DLGAP1: variants seen among roughly 807,000 people sequenced by gnomAD.
The protein encoded by DLGAP1 is DLG associated protein 1, also known as disks large-associated protein 1.
A neutral mutation model predicts 90.8 loss-of-function variants in DLGAP1; 11 were observed. The observed-to-expected ratio is 0.12, with a 90% CI of 0.08 to 0.20. The LOEUF (loss-of-function observed/expected upper bound fraction) is 0.20. DLGAP1 is among the 10% of genes least tolerant of loss of function. The pLI, the probability that DLGAP1 is intolerant of heterozygous loss-of-function variation, is 1.00. For synonymous variants in DLGAP1, 558 were observed against 540.7 expected, an observed-to-expected ratio of 1.03 and a Z score of -0.44; for missense variants, 1,050 against 1,333.8, an observed-to-expected ratio of 0.79 and a Z score of 3.31.
At chr18:4,401,918 C>T (rs1207940292) in intron 1 of DLGAP1, among the ~76,000 whole-genome samples, 1 of 152,172 alleles carries the variant, frequency 6.6e-6, no homozygotes, top group African/African-American at 2.4e-5. Flanking sequence ...TGACTATATT[C>T]CTGCCAAATT....
At chr18:3,572,713 A>G (rs663957) in intron 8 of DLGAP1, among the ~76,000 whole-genome samples, 88,453 of 151,980 alleles carry the variant, frequency 0.58, 26,488 homozygotes, top group East Asian at 0.99. Flanking sequence ...GCCTCCCAAA[A>G]TACTGGGATT....
At chr18:3,979,645 C>T (rs563520141) in intron 3 of DLGAP1, among the ~76,000 whole-genome samples, 2 of 152,284 alleles carry the variant, frequency 1.3e-5, no homozygotes, top group African/African-American at 4.8e-5. Context: ...TGTTATCCTG[C>T]ATGGTAACCA....
At chr18:4,176,324 C>T (rs891804923) in intron 1 of DLGAP1, among the ~76,000 whole-genome samples, 1 of 152,198 alleles carries the variant, frequency 6.6e-6, no homozygotes, top group African/African-American at 2.4e-5. Context: ...TCCAGCCCTT[C>T]ATTTCCAGAT....
chr18:4,119,326 T>C (rs933089545), intron 2 of DLGAP1, among the ~76,000 whole-genome samples: 3 of 152,268 alleles, frequency 2.0e-5, no homozygotes, highest in Middle Eastern at 3.4e-3. Flanking sequence ...ACTCCTGGGC[T>C]CAGGCAATCC....
At chr18:3,965,123 T>C (rs746155753) in intron 3 of DLGAP1, among the ~76,000 whole-genome samples, 1 of 152,184 alleles carries the variant, frequency 6.6e-6, no homozygotes, top group Non-Finnish European at 1.5e-5. Context: ...TGTAAACAAA[T>C]AGAGGCATGG....
chr18:4,242,732 A>G (rs1247822582), intron 1 of DLGAP1, among the ~76,000 whole-genome samples: 1 of 152,064 alleles, frequency 6.6e-6, no homozygotes, highest in Non-Finnish European at 1.5e-5. Flanking sequence ...TGTGAGGGCT[A>G]GATCATGCAT....
At chr18:4,320,066 A>G (rs1028075599) in intron 1 of DLGAP1, among the ~76,000 whole-genome samples, 10 of 152,172 alleles carry the variant, frequency 6.6e-5, no homozygotes, top group African/African-American at 2.4e-4. Context: ...ATTTCAGAAG[A>G]ATGCCATTCA....
chr18:4,426,142 G>A (rs1209732258), intron 1 of DLGAP1, among the ~76,000 whole-genome samples: 1 of 152,184 alleles, frequency 6.6e-6, no homozygotes, highest in East Asian at 1.9e-4. Context: ...GTGTGGTAGT[G>A]ATGTAGTTCT....
intron 1 of DLGAP1, among the ~76,000 whole-genome samples, chr18:4,314,722 A>G (rs2080483643): frequency 6.6e-6 from 1 of 152,206 alleles, no homozygotes; most frequent in Non-Finnish European, 1.5e-5. Flanking sequence ...GACATCCAGA[A>G]AACAAGACCT....
intron 3 of DLGAP1, among the ~76,000 whole-genome samples, chr18:3,963,597 T>TC (rs1210481471): frequency 6.6e-6 from 1 of 151,804 alleles, no homozygotes; most frequent in East Asian, 1.9e-4. Context: ...TTTTTTTTTT[T>TC]TTTTTTAGTG....
At chr18:4,265,586 C>A (rs2079100639) in intron 1 of DLGAP1, among the ~76,000 whole-genome samples, 1 of 103,544 alleles carries the variant, frequency 9.7e-6, no homozygotes, top group African/African-American at 3.7e-5. Flanking sequence ...TTCTTTGTTT[C>A]TTCTTTTGCT....
At chr18:3,580,868 T>C (rs2055461302) in intron 8 of DLGAP1, 1 of 1,099,734 alleles carries the variant, frequency 9.1e-7, no homozygotes, top group Non-Finnish European at 1.3e-6. Flanking sequence ...GTGTGGCCGG[T>C]TGTACCCTGC....
At chr18:3,741,079 CCAT>C (rs1568048159) in intron 6 of DLGAP1, among the ~76,000 whole-genome samples, 13 of 113,118 alleles carry the variant, frequency 1.1e-4, no homozygotes, top group South Asian at 3.4e-4. Context: ...ACCACCACCA[CCAT>C]CACCATCACC....
intron 1 of DLGAP1, among the ~76,000 whole-genome samples, chr18:4,392,057 C>T (rs1018866354): frequency 1.3e-5 from 2 of 152,162 alleles, no homozygotes; most frequent in East Asian, 1.9e-4. Flanking sequence ...TCTCATGAAC[C>T]GAAAGTTCAA....
chr18:3,560,649 G>A (rs1391919453), intron 9 of DLGAP1, among the ~76,000 whole-genome samples: 2 of 149,674 alleles, frequency 1.3e-5, no homozygotes, highest in Non-Finnish European at 2.9e-5. Context: ...GCAGCAAGCT[G>A]CACATTTTTT....
At chr18:4,061,311 G>C (rs956018244) in intron 2 of DLGAP1, among the ~76,000 whole-genome samples, 10 of 152,168 alleles carry the variant, frequency 6.6e-5, no homozygotes, top group African/African-American at 2.4e-4. Flanking sequence ...AGGGTTAAAG[G>C]ATTGTTTTAA....
chr18:4,269,037 T>G (rs1270271902), intron 1 of DLGAP1, among the ~76,000 whole-genome samples: 1 of 152,062 alleles, frequency 6.6e-6, no homozygotes, highest in African/African-American at 2.4e-5. Context: ...GTCAGATTGA[T>G]GGATTATTAA....
At chr18:3,836,563 A>G (rs1212391137) in intron 4 of DLGAP1, among the ~76,000 whole-genome samples, 1 of 152,156 alleles carries the variant, frequency 6.6e-6, no homozygotes, top group Non-Finnish European at 1.5e-5. Flanking sequence ...CTGAGGAGGA[A>G]TTGCACTTTT....
At chr18:3,772,807 T>C (rs1290372403) in intron 5 of DLGAP1, among the ~76,000 whole-genome samples, 1 of 152,060 alleles carries the variant, frequency 6.6e-6, no homozygotes, top group East Asian at 1.9e-4. Context: ...ACCCGCTAAA[T>C]TAGCATCTGC....
Sources: allele counts gnomAD v4.1 joint callset (sites outside exome capture counted in the v4.1 genomes callset), GRCh38; gene constraint gnomAD v4.1.1; transcripts MANE v1.5; gene names NCBI Gene and HGNC (gene_info 2026-07-23, HGNC 2026-07-21).